Variants in HSP90B1 observed in about 807,000 individuals in gnomAD.
HSP90B1 encodes the protein heat shock protein 90 beta family member 1.
A neutral mutation model predicts 100.4 loss-of-function variants in HSP90B1; 27 were observed. The ratio of observed to expected loss-of-function variants is 0.27; its 90% CI spans 0.20 to 0.37. The LOEUF (loss-of-function observed/expected upper bound fraction) is 0.37. Ranked by LOEUF, HSP90B1 falls within the 10% of genes least tolerant of loss-of-function variation. The pLI is 1.00. For missense variants in HSP90B1, 678 were observed against 960.5 expected (o/e 0.71, Z 3.89); for synonymous variants, 304 against 330.8 (o/e 0.92, Z 0.88).
At chr12:103,938,603 T>G (rs1869988784) in intron 7 of HSP90B1, 144 bp downstream of exon 7, 2 of 818,988 alleles carry the variant, frequency 2.4e-6, no homozygotes, top group Non-Finnish European at 3.8e-6. Context: ...AATAAGGCCT[T>G]TGTTTGTATG....
At position 103,930,915 on chromosome 12, in the gene HSP90B1, A is replaced by G. The variant is rs1003168251; in HGVS notation, c.49+351A>G. The stretch of plus-strand genomic sequence containing the variant: ...TTTTCGGCCACCGCAACCTTCGGCC[A>G]TCCCAGCTTTCCCGTCCCCTAATTC... On this transcript the variant is annotated intron_variant, in intron 1 of 17. Transcript: ENST00000299767. The surrounding 1 kb of genome is among the most constrained non-coding windows in gnomAD (Gnocchi z 4.4). 2.3e-5 allele frequency among the ~76,000 whole-genome samples: 3 copies of G among 130,740 alleles called. No homozygotes were observed. The highest frequency in any genetic ancestry group is 8.7e-5 in the African/African-American group (3 of 34,286). The allele number at this position is 130,740 out of a possible 152,430, so 85.8% of individuals were successfully genotyped here.
chr12:103,942,181 A>C (rs985912056), intron 11 of HSP90B1, among the ~76,000 whole-genome samples: 3 of 152,256 alleles, frequency 2.0e-5, no homozygotes, highest in African/African-American at 7.2e-5. Flanking sequence ...GCCTTTCATT[A>C]AACCTTTCCC....
At chr12:103,947,498 G>T in intron 17 of HSP90B1, 68 bp downstream of exon 17, 1 of 1,612,808 alleles carries the variant, frequency 6.2e-7, no homozygotes, top group Non-Finnish European at 8.5e-7. Context: ...TTTTAGTTCT[G>T]GCAAAGTTAA....
At position 103,934,205 on chromosome 12, in the gene HSP90B1, C is replaced by T. The variant is rs1027315286; in HGVS notation, c.661C>T (p.His221Tyr). The change falls in exon 5 of 18, where the codon CAC (histidine) becomes TAC (tyrosine). Residue 221 changes from histidine (H) to tyrosine (Y), a missense_variant. By Grantham distance (83) the His-to-Tyr change is moderately conservative (BLOSUM62 2). Coordinates refer to ENST00000299767, the MANE Select transcript of HSP90B1 (RefSeq NM_003299.3). The stretch of plus-strand genomic sequence containing the variant: ...TTCAAAACACAACAACGATACCCAG[C>T]ACATCTGGGAGTCTGACTCCAATGA... ...VTSKHNNDTQ[H>Y]IWESDSNEFS... 1 of 1,614,124 alleles carries T rather than the reference C, an allele frequency of 6.2e-7. No homozygotes were observed. Among genetic ancestry groups the T allele is most frequent in the Non-Finnish European group, 8.5e-7 (1 of 1,179,974 alleles).
intron 9 of HSP90B1, 26 bp downstream of exon 9, chr12:103,941,573 C>T (rs1870079114): frequency 3.1e-6 from 5 of 1,613,738 alleles, no homozygotes; most frequent in South Asian, 1.1e-5. Flanking sequence ...GTACATGCTG[C>T]GTTTAAAATT....
chr12:103,944,350 T>G (rs1814836830), intron 14 of HSP90B1, among the ~76,000 whole-genome samples: 1 of 152,150 alleles, frequency 6.6e-6, no homozygotes, highest in African/African-American at 2.4e-5. Flanking sequence ...GTATTTGAAC[T>G]CAAGGGCCTA....
chr12:103,939,358 CTCCCAAAGTGCTAGGATTACAGGCGTGAG>C lies in HSP90B1; in HGVS notation c.976-150_976-122del. 16 of 360,148 alleles carry C rather than the reference CTCCCAAAGTGCTAGGATTACAGGCGTGAG, an allele frequency of 4.4e-5. 1 individual carries two copies. The highest frequency in any genetic ancestry group is 2.1e-4 in the East Asian group (4 of 19,050). 22.3% of individuals were successfully genotyped at this position (360,148 alleles called of 1,614,324 possible). A position where few individuals can be genotyped will look rare whatever the true frequency, so the allele number is the denominator to read the frequency against. ...GCTCAAACAGTTCTCCTACCCTAAC[CTCCCAAAGTGCTAGGATTACAGGCGTGAG>C]CCACCACACCAGTCCTCTGGGTCTT... On this transcript the variant is annotated intron_variant, in intron 7 of 17. Coordinates refer to ENST00000299767, the MANE Select transcript of HSP90B1 (RefSeq NM_003299.3).
intron 14 of HSP90B1, among the ~76,000 whole-genome samples, chr12:103,946,194 A>G (rs576793303): frequency 6.6e-6 from 1 of 152,196 alleles, no homozygotes; most frequent in South Asian, 2.1e-4. Context: ...AATATTTTCA[A>G]TCCGAGGTTG....
At chr12:103,934,859 G>A (rs1293093959) in intron 5 of HSP90B1, among the ~76,000 whole-genome samples, 5 of 152,134 alleles carry the variant, frequency 3.3e-5, no homozygotes, top group East Asian at 3.8e-4. Context: ...GTGCCACCAC[G>A]CCCAGCTAAT....
At position 103,943,901 on chromosome 12, in the gene HSP90B1, C is replaced by T. The variant is rs114600174; in HGVS notation, c.2027+27C>T. ...TAAGCATCCTCGGGAAAGTCCCTGC[C>T]AGGGCGTTGCCCCTTACCCAATCTT... On this transcript the variant is annotated intron_variant, in intron 14 of 17. Transcript: ENST00000299767. This position sits in a 1 kb window ranked among gnomAD's most constrained non-coding sequence, Gnocchi z 5.3. 1.4e-3 allele frequency: 2,301 copies of T among 1,604,000 alleles called. 21 individuals carry two copies. The African/African-American group carries it at 0.026, about 18-fold the overall frequency.
At chr12:103,947,523 C>A (rs1178332823) in intron 17 of HSP90B1, 93 bp downstream of exon 17, 50 of 1,601,480 alleles carry the variant, frequency 3.1e-5, no homozygotes, top group Non-Finnish European at 4.2e-5. Flanking sequence ...GTGTAACTTA[C>A]AGAAGTCAGA....
In HSP90B1 at chr12:103,930,512, C is replaced by A. The variant is rs1403212340; in HGVS notation, c.-4C>A. On this transcript the variant is annotated 5_prime_UTR_variant, in exon 1 of 18. Transcript: ENST00000299767. The surrounding 1 kb of genome is among the most constrained non-coding windows in gnomAD (Gnocchi z 4.4). ...GGGGACTTGAGACTCACCGGCCGCA[C>A]GCCATGAGGGCCCTGTGGGTGCTGG... The A allele has an allele frequency of 6.2e-7, 1 of 1,605,050 alleles. No homozygotes were observed. Among genetic ancestry groups the A allele is most frequent in the East Asian group, 2.3e-5 (1 of 43,620 alleles).
chr12:103,932,841 C>A lies in HSP90B1; in HGVS notation c.310C>A (p.Leu104Met), dbSNP rs776100889. 6 of 1,575,648 alleles carry A rather than the reference C, an allele frequency of 3.8e-6. No individual in the cohort carries two copies. In the African/African-American group the frequency reaches 8.1e-5, roughly 21 times the overall value. Residue 104 changes from leucine to methionine, a missense_variant, in exon 4 of 18, where the codon CTG becomes ATG. Coordinates refer to ENST00000299767, the MANE Select transcript of HSP90B1 (RefSeq NM_003299.3). ...YKNKEIFLRE[L>M]ISNASDALDK... Reference sequence around the variant, plus strand: ...TTCCATTTAGATTTTCCTGAGAGAACTGATTTCAAATGCTTCTGATGCTTT... The same window carrying A: ...TTCCATTTAGATTTTCCTGAGAGAAATGATTTCAAATGCTTCTGATGCTTT...
At chr12:103,935,556 G>A (rs571228890) in intron 5 of HSP90B1, among the ~76,000 whole-genome samples, 1 of 152,278 alleles carries the variant, frequency 6.6e-6, no homozygotes, top group East Asian at 1.9e-4. Flanking sequence ...AACATTTCCT[G>A]TTTTTACTGC....
intron 14 of HSP90B1, among the ~76,000 whole-genome samples, chr12:103,944,373 T>C (rs1267261458): frequency 6.6e-6 from 1 of 152,164 alleles, no homozygotes; most frequent in African/African-American, 2.4e-5. Context: ...CCTGGAGGTA[T>C]AGTGAGTCTT....
At chr12:103,938,641 T>C in intron 7 of HSP90B1, 182 bp downstream of exon 7, 1 of 499,258 alleles carries the variant, frequency 2.0e-6, no homozygotes, top group Non-Finnish European at 3.4e-6. Context: ...TAGAAAGTTT[T>C]AAGTATCAAA....
chr12:103,938,980 A>C (rs2136215115), intron 7 of HSP90B1, among the ~76,000 whole-genome samples: 1 of 152,274 alleles, frequency 6.6e-6, no homozygotes, highest in Non-Finnish European at 1.5e-5. Flanking sequence ...ATGAAGAAAA[A>C]CTTAAGTGGC....
rs1870132743 is a variant in HSP90B1, at chr12:103,943,371, A to C, written c.1890+52A>C. The stretch of plus-strand genomic sequence containing the variant: ...AATATTAGTATCAGCATTTAAGAGA[A>C]AGTTATTTTGTGAACAAATTAAGCT... On this transcript the variant is annotated intron_variant, in intron 13 of 17. Transcript: ENST00000299767. The surrounding 1 kb of genome is among the most constrained non-coding windows in gnomAD (Gnocchi z 5.3). 9.0e-6 allele frequency: 14 copies of C among 1,563,434 alleles called. No individual in the cohort carries two copies. The South Asian group carries it at 1.5e-4, about 16-fold the overall frequency.
At chr12:103,947,550 T>C in intron 17 of HSP90B1, 83 bp from the exon 18 acceptor site, 1 of 1,575,098 alleles carries the variant, frequency 6.3e-7, no homozygotes. Context: ...ATTTAAATTG[T>C]TTATTTCATG....
Sources: gnomAD v4.1 joint callset for allele counts (sites outside exome capture counted in the v4.1 genomes callset) on GRCh38, gnomAD v4.1.1 for gene constraint, Gnocchi (gnomAD v3.1) non-coding constraint, MANE v1.5 for transcripts, NCBI Gene and HGNC (gene_info 2026-07-23, HGNC 2026-07-21) for gene names.